The following PDZRN3 variants were observed in gnomAD, a reference collection of about 807,000 sequenced individuals.
PDZRN3 encodes PDZ domain containing ring finger 3.
Under a neutral mutation model 85.7 loss-of-function variants are expected in PDZRN3, and 38 were observed. The ratio of observed to expected loss-of-function variants is 0.44; its 90% CI spans 0.34 to 0.58. PDZRN3 has a LOEUF of 0.58. PDZRN3 is among the 20% of genes least tolerant of loss of function. PDZRN3 has a pLI of 0.01. For synonymous variants in PDZRN3, 759 were observed against 638.0 expected, an observed-to-expected ratio of 1.19 and a Z score of -2.86; for missense variants, 1,629 against 1,506.4, an observed-to-expected ratio of 1.08 and a Z score of -1.35.
chr3:73,523,010 TTTTG>T (rs369857452), intron 3 of PDZRN3, among the ~76,000 whole-genome samples: 2,524 of 152,118 alleles, frequency 0.017, 33 homozygotes, highest in Non-Finnish European at 0.023. Context: ...GAAGAGTTTT[TTTTG>T]TTTGTTTGTT....
intron 3 of PDZRN3, among the ~76,000 whole-genome samples, chr3:73,415,579 A>T (rs1212371425): frequency 6.6e-6 from 1 of 152,180 alleles, no homozygotes; most frequent in Non-Finnish European, 1.5e-5. Context: ...TAGAAACTGC[A>T]CTTTCGGTAT....
chr3:73,493,744 G>A (rs913659390), intron 3 of PDZRN3, among the ~76,000 whole-genome samples: 2 of 152,166 alleles, frequency 1.3e-5, no homozygotes, highest in African/African-American at 4.8e-5. Flanking sequence ...TAGTCAGATT[G>A]CTGATTGGTT....
intron 3 of PDZRN3, among the ~76,000 whole-genome samples, chr3:73,409,969 C>T (rs2106743925): frequency 6.6e-6 from 1 of 152,258 alleles, no homozygotes; most frequent in South Asian, 2.1e-4. Context: ...AGTACGAATG[C>T]AATTTTAAAT....
chr3:73,404,829 T>C (rs1701821919), intron 3 of PDZRN3, among the ~76,000 whole-genome samples: 1 of 152,258 alleles, frequency 6.6e-6, no homozygotes, highest in African/African-American at 2.4e-5. Context: ...GGAAGTAATA[T>C]GAAGTTTCCT....
chr3:73,550,405 G>A (rs754075464), intron 3 of PDZRN3, among the ~76,000 whole-genome samples: 1 of 152,146 alleles, frequency 6.6e-6, no homozygotes, highest in Non-Finnish European at 1.5e-5. Flanking sequence ...ATCACCTGGA[G>A]GGTTGTTTTT....
chr3:73,599,776 G>C (rs1489156016), intron 3 of PDZRN3, among the ~76,000 whole-genome samples: 1 of 152,224 alleles, frequency 6.6e-6, no homozygotes, highest in Non-Finnish European at 1.5e-5. Context: ...GCCACCAGCA[G>C]ATGCCTCTTG....
At chr3:73,424,367 CAAAAAAA>C (rs66466551) in intron 3 of PDZRN3, among the ~76,000 whole-genome samples, 14 of 54,874 alleles carry the variant, frequency 2.6e-4, no homozygotes, top group South Asian at 2.6e-3. Flanking sequence ...CCGTCTCTAC[CAAAAAAA>C]AAAAAAAAAA....
At chr3:73,589,495 G>A (rs558685420) in intron 3 of PDZRN3, among the ~76,000 whole-genome samples, 1 of 152,208 alleles carries the variant, frequency 6.6e-6, no homozygotes, top group South Asian at 2.1e-4. Flanking sequence ...TTTTCCCTCT[G>A]AATCAGTGTA....
intron 3 of PDZRN3, among the ~76,000 whole-genome samples, chr3:73,450,603 C>G (rs1702839086): frequency 6.6e-6 from 1 of 152,204 alleles, no homozygotes; most frequent in Non-Finnish European, 1.5e-5. Flanking sequence ...TACATACATA[C>G]ATTCCAAATA....
At chr3:73,395,895 G>A (rs757716782) in intron 5 of PDZRN3, among the ~76,000 whole-genome samples, 4 of 152,188 alleles carry the variant, frequency 2.6e-5, no homozygotes, top group Non-Finnish European at 5.9e-5. Flanking sequence ...CCAGCTCTTA[G>A]GGAGCTTGTA....
At chr3:73,457,695 A>G (rs1198923172) in intron 3 of PDZRN3, among the ~76,000 whole-genome samples, 1 of 152,012 alleles carries the variant, frequency 6.6e-6, no homozygotes, top group African/African-American at 2.4e-5. Context: ...CTAATCACCA[A>G]TGTGACGGTG....
At chr3:73,573,433 CA>C (rs1222434360) in intron 3 of PDZRN3, among the ~76,000 whole-genome samples, 1 of 152,170 alleles carries the variant, frequency 6.6e-6, no homozygotes, top group Non-Finnish European at 1.5e-5. Context: ...GAGGTTAACA[CA>C]CGTCACTCAC....
At chr3:73,620,263 C>T (rs6774403) in intron 1 of PDZRN3, among the ~76,000 whole-genome samples, 102,060 of 152,184 alleles carry the variant, frequency 0.67, 34,380 homozygotes, top group East Asian at 0.72. Flanking sequence ...AAAGACAGAC[C>T]GGATGGGAGG....
At chr3:73,462,652 G>C (rs748822273) in intron 3 of PDZRN3, among the ~76,000 whole-genome samples, 1 of 151,816 alleles carries the variant, frequency 6.6e-6, no homozygotes, top group South Asian at 2.1e-4. Flanking sequence ...TGGGTGTGAT[G>C]GCATGTCAAG....
At chr3:73,437,159 A>G (rs2106813244) in intron 3 of PDZRN3, among the ~76,000 whole-genome samples, 1 of 152,196 alleles carries the variant, frequency 6.6e-6, no homozygotes, top group East Asian at 1.9e-4. Context: ...TTTATTCATT[A>G]ATTCATTTTA....
At chr3:73,530,327 C>T (rs1287855261) in intron 3 of PDZRN3, among the ~76,000 whole-genome samples, 1 of 152,140 alleles carries the variant, frequency 6.6e-6, no homozygotes, top group Non-Finnish European at 1.5e-5. Flanking sequence ...TTACATAAGA[C>T]CACTACCAAA....
chr3:73,401,227 T>G, intron 4 of PDZRN3: 1 of 503,238 alleles, frequency 2.0e-6, no homozygotes, highest in Non-Finnish European at 3.6e-6. Context: ...GGACTTAAGA[T>G]GCAAAGTGCA....
At chr3:73,470,585 T>TGCCC (rs1703317079) in intron 3 of PDZRN3, among the ~76,000 whole-genome samples, 1 of 152,236 alleles carries the variant, frequency 6.6e-6, no homozygotes, top group Non-Finnish European at 1.5e-5. Context: ...CCCCACTTAC[T>TGCCC]GCCCGCCATG....
Position 73,469,427 on chromosome 3 carries a change from T to C in PDZRN3, c.919-65032A>G, listed in dbSNP as rs571640571. ...GAACAACTCTAGCCACCAGTGGAGG[T>C]TGCATTATTTGGCGTCAGGTGACTT... On this transcript the variant is annotated intron_variant, in intron 3 of 9. Coordinates refer to ENST00000263666, the MANE Select transcript of PDZRN3 (RefSeq NM_015009.3). Among the ~76,000 whole-genome samples the C allele has an allele frequency of 9.2e-5, 14 of 152,222 alleles. No homozygotes were observed. In the South Asian group the frequency reaches 2.7e-3, roughly 29 times the overall value.
Sources: gnomAD v4.1 joint callset for allele counts (sites outside exome capture counted in the v4.1 genomes callset) on GRCh38, gnomAD v4.1.1 for gene constraint, MANE v1.5 for transcripts, NCBI Gene and HGNC (gene_info 2026-07-23, HGNC 2026-07-21) for gene names.